Variants in UPF1 observed in about 807,000 individuals in gnomAD.
UPF1 encodes the protein regulator of nonsense transcripts 1.
A neutral mutation model predicts 129.2 loss-of-function variants in UPF1; 9 were observed. The observed-to-expected ratio is 0.07, with a 90% CI of 0.04 to 0.12. UPF1 has a LOEUF of 0.12. Ranked by LOEUF, UPF1 falls within the 10% of genes least tolerant of loss-of-function variation. The pLI, the probability that UPF1 is intolerant of heterozygous loss-of-function variation, is 1.00. For synonymous variants in UPF1, 649 were observed against 644.9 expected (o/e 1.01, Z -0.10); for missense variants, 788 against 1,525.3 (o/e 0.52, Z 8.05).
At chr19:18,838,118 A>C (rs79317400) in intron 1 of UPF1, among the ~76,000 whole-genome samples, 5,798 of 152,314 alleles carry the variant, frequency 0.038, 364 homozygotes, top group African/African-American at 0.13. Flanking sequence ...GAGCCCTGAG[A>C]TTATGACCAA....
At position 18,865,814 on chromosome 19, in the gene UPF1, A is replaced by G. The variant is rs2055837464; in HGVS notation, c.3237+36A>G. Reference sequence around the variant, plus strand: ...CCCTGGGACGGGACTTACCTGAGTGAGGGTGGGGCTATGCACCTGAAACAT... The same window carrying G: ...CCCTGGGACGGGACTTACCTGAGTGGGGGTGGGGCTATGCACCTGAAACAT... On this transcript the variant is annotated intron_variant, in intron 22 of 23. Transcript: ENST00000262803. The surrounding 1 kb of genome is among the most constrained non-coding windows in gnomAD (Gnocchi z 6.1). 6.2e-7 allele frequency: 1 copy of G among 1,609,406 alleles called. No homozygotes were observed. The highest frequency in any genetic ancestry group is 8.5e-7 in the Non-Finnish European group (1 of 1,179,338).
chr19:18,854,548 C>T, intron 8 of UPF1, 53 bp from the exon 9 acceptor site: 3 of 1,482,964 alleles, frequency 2.0e-6, no homozygotes, highest in Non-Finnish European at 1.9e-6. Context: ...AAGGGTGGCC[C>T]AGAAAGGTCA....
intron 1 of UPF1, among the ~76,000 whole-genome samples, chr19:18,844,782 G>A (rs2145942982): frequency 6.6e-6 from 1 of 152,330 alleles, no homozygotes; most frequent in Non-Finnish European, 1.5e-5. Flanking sequence ...CTCTGTGCCA[G>A]GCACTGTCCC....
rs1788744146 is a variant in UPF1 at position 18,865,953 on chromosome 19, T to G, written c.3238-91T>G. 6.3e-7 allele frequency: 1 copy of G among 1,596,166 alleles called. No homozygotes were observed. Among genetic ancestry groups the G allele is most frequent in the African/African-American group, 1.4e-5 (1 of 73,786 alleles). ...CCTGGGTCTTAGTTTGGGGACGGGT[T>G]TTCCATTCTTTTCTCTGGGGCTGCT... On this transcript the variant is annotated intron_variant, in intron 22 of 23. Transcript: ENST00000262803. This position sits in a 1 kb window ranked among gnomAD's most constrained non-coding sequence, Gnocchi z 6.1.
chr19:18,855,935 G>A lies in UPF1; in HGVS notation c.1555G>A (p.Val519Met). 1.2e-6 allele frequency: 2 copies of A among 1,613,824 alleles called. No homozygotes were observed. Among genetic ancestry groups the A allele is most frequent in the South Asian group, 1.1e-5 (1 of 91,074 alleles). Residue 519 changes from valine (V) to methionine (M), a missense_variant, in exon 12 of 24, where the codon GTG becomes ATG. Physicochemically the swap from Val to Met is conservative, Grantham distance 21 (BLOSUM62 1). Coordinates refer to ENST00000262803, the MANE Select transcript of UPF1 (RefSeq NM_002911.4). ...CCAATGGTGTTGCAGGCCGGTGCTG[G>A]TGTGTGCTCCGAGCAACATCGCCGT... ...LARQGNGPVL[V>M]CAPSNIAVDQ...
chr19:18,860,151 A>C (rs898491922), intron 15 of UPF1, 170 bp from the exon 16 acceptor site: 13 of 669,702 alleles, frequency 1.9e-5, no homozygotes, highest in East Asian at 2.7e-5. Flanking sequence ...AATCCTGGGC[A>C]TCTCTGGCCA....
chr19:18,836,599 C>T (rs965531752), intron 1 of UPF1, among the ~76,000 whole-genome samples: 3 of 152,004 alleles, frequency 2.0e-5, no homozygotes, highest in Non-Finnish European at 2.9e-5. Context: ...TTTTTATTAT[C>T]GTGATTGTAG....
At chr19:18,847,992 G>C (rs770734294) in intron 3 of UPF1, 159 bp downstream of exon 3, 3 of 654,526 alleles carry the variant, frequency 4.6e-6, no homozygotes, top group Non-Finnish European at 8.1e-6. Flanking sequence ...AGATGGTGGT[G>C]TGTGAATGCC....
intron 1 of UPF1, among the ~76,000 whole-genome samples, chr19:18,844,445 T>A (rs2055577150): frequency 6.6e-6 from 1 of 151,528 alleles, no homozygotes; most frequent in South Asian, 2.1e-4. Flanking sequence ...TGTCTCAGCC[T>A]CCCAAGTAGC....
chr19:18,847,956 C>A, intron 3 of UPF1, 123 bp downstream of exon 3: 1 of 949,642 alleles, frequency 1.1e-6, no homozygotes, highest in Non-Finnish European at 1.6e-6. Flanking sequence ...GTTTTTTCCT[C>A]CTCTGTGACT....
intron 1 of UPF1, among the ~76,000 whole-genome samples, chr19:18,840,464 A>G (rs1249095476): frequency 6.6e-6 from 1 of 152,146 alleles, no homozygotes; most frequent in Admixed American, 6.5e-5. Context: ...AGCGGCTGCA[A>G]GGAAGCTAAA....
At chr19:18,847,639 A>G (rs922537518) in intron 2 of UPF1, 105 bp from the exon 3 acceptor site, 3 of 1,058,326 alleles carry the variant, frequency 2.8e-6, no homozygotes, top group Non-Finnish European at 2.9e-6. Context: ...TATGTGTTTA[A>G]TGAAGAACTT....
chr19:18,847,895 T>A, intron 3 of UPF1, 62 bp downstream of exon 3: 2 of 1,549,734 alleles, frequency 1.3e-6, no homozygotes, highest in Non-Finnish European at 1.8e-6. Flanking sequence ...GTGTGTAAAT[T>A]ATGGAAATGT....
intron 1 of UPF1, among the ~76,000 whole-genome samples, chr19:18,842,321 A>G (rs2055550502): frequency 6.6e-6 from 1 of 152,174 alleles, no homozygotes; most frequent in African/African-American, 2.4e-5. Context: ...TGTATTAACC[A>G]ACAGTGTGGC....
intron 17 of UPF1, 96 bp downstream of exon 17, chr19:18,861,078 C>T: frequency 1.4e-6 from 2 of 1,445,864 alleles, no homozygotes; most frequent in Non-Finnish European, 1.8e-6. Flanking sequence ...CCCGTCCTGG[C>T]TGGAGCTCAG....
chr19:18,863,110 G>T (rs1253410526), intron 18 of UPF1: 3 of 264,962 alleles, frequency 1.1e-5, no homozygotes, highest in African/African-American at 2.2e-5. Context: ...GCCCCGGCCT[G>T]CTGGGGGCCC....
At chr19:18,847,354 G>C (rs943963368) in intron 2 of UPF1, among the ~76,000 whole-genome samples, 13 of 152,228 alleles carry the variant, frequency 8.5e-5, no homozygotes, top group Admixed American at 3.3e-4. Flanking sequence ...TGCAGGGTCT[G>C]TGCCCAGCTC....
intron 2 of UPF1, among the ~76,000 whole-genome samples, chr19:18,847,305 C>T (rs1367538628): frequency 1.3e-5 from 2 of 152,190 alleles, no homozygotes; most frequent in African/African-American, 2.4e-5. Context: ...CGAGGCTCCT[C>T]GCTTGGGCTT....
chr19:18,832,790 T>TC lies in UPF1; in HGVS notation c.231+355dup, dbSNP rs574161793. Among the ~76,000 whole-genome samples, 137 of 152,006 alleles carry TC rather than the reference T, an allele frequency of 9.0e-4. No individual in the cohort carries two copies. Among genetic ancestry groups the TC allele is most frequent in the South Asian group, 8.3e-4 (4 of 4,802 alleles). ...GTTCCTTTACGCCAGCTGGGTTTGC[T>TC]CCCCCTCCTGGGCCCGGGCTGACCT... On this transcript the variant is annotated intron_variant, in intron 1 of 23. Coordinates refer to ENST00000262803, the MANE Select transcript of UPF1 (RefSeq NM_002911.4). The surrounding 1 kb of genome is among the most constrained non-coding windows in gnomAD (Gnocchi z 5.6).
Sources: allele counts gnomAD v4.1 joint callset (sites outside exome capture counted in the v4.1 genomes callset), GRCh38; gene constraint gnomAD v4.1.1; non-coding constraint Gnocchi (gnomAD v3.1); transcripts MANE v1.5; gene names NCBI Gene and HGNC (gene_info 2026-07-23, HGNC 2026-07-21).